Variants in UBAP2 observed in about 807,000 individuals in gnomAD.
UBAP2 encodes the protein ubiquitin-associated protein 2.
In UBAP2, 75 loss-of-function variants were observed where a neutral mutation model predicts 139.6. The observed-to-expected ratio is 0.54, with a 90% confidence interval of 0.45 to 0.65. The LOEUF is 0.65. Among genes scored for constraint, UBAP2 ranks in the 30% least tolerant of loss-of-function variants. The pLI is 0.00. For synonymous variants in UBAP2, 526 were observed against 526.2 expected (o/e 1.00, Z 0.01); for missense variants, 1,368 against 1,369.6 (o/e 1.00, Z 0.02).
chr9:33,952,635 A>T (rs181278295), intron 12 of UBAP2: 1 of 153,230 alleles, frequency 6.5e-6, no homozygotes, highest in East Asian at 1.9e-4. Flanking sequence ...AAGAAATTGA[A>T]TATACTAACT....
chr9:33,946,473 A>C (rs1825662058), intron 13 of UBAP2, among the ~76,000 whole-genome samples: 1 of 152,196 alleles, frequency 6.6e-6, no homozygotes, highest in Admixed American at 6.5e-5. Flanking sequence ...GGTTTTAATA[A>C]AGCGTTTTTT....
intron 16 of UBAP2, among the ~76,000 whole-genome samples, chr9:33,941,153 T>C (rs1386810186): frequency 2.6e-5 from 4 of 152,244 alleles, no homozygotes; most frequent in African/African-American, 9.6e-5. Flanking sequence ...CCATCAGATA[T>C]GCAGTTAGCA....
chr9:33,944,309 C>G (rs966610360), intron 14 of UBAP2, 56 bp downstream of exon 14: 2 of 1,590,950 alleles, frequency 1.3e-6, no homozygotes, highest in African/African-American at 1.3e-5. Context: ...CCCACTAGAG[C>G]TGAATGTAAA....
intron 1 of UBAP2, among the ~76,000 whole-genome samples, chr9:34,039,930 G>A (rs555592781): frequency 1.7e-4 from 26 of 151,452 alleles, no homozygotes; most frequent in Non-Finnish European, 1.9e-4. Context: ...AGGCCGAGGC[G>A]GGCGATCACC....
intron 16 of UBAP2, among the ~76,000 whole-genome samples, chr9:33,939,251 C>T (rs1035363993): frequency 2.1e-4 from 27 of 128,686 alleles, no homozygotes; most frequent in African/African-American, 7.5e-4. Context: ...TGGAGTGCAA[C>T]GGTGTGATCT....
intron 2 of UBAP2, among the ~76,000 whole-genome samples, chr9:34,011,310 C>G (rs956912663): frequency 6.6e-6 from 1 of 152,078 alleles, no homozygotes; most frequent in African/African-American, 2.4e-5. Context: ...TTTATTCAGA[C>G]TTAGCTTTTT....
At chr9:33,975,455 A>C (rs1369552750) in intron 6 of UBAP2, among the ~76,000 whole-genome samples, 7 of 150,308 alleles carry the variant, frequency 4.7e-5, no homozygotes, top group Admixed American at 6.6e-5. Context: ...CAAAAAAAAA[A>C]CCAAGTGTTG....
intron 1 of UBAP2, among the ~76,000 whole-genome samples, chr9:34,028,211 G>C (rs78714592): frequency 0.018 from 2,687 of 151,932 alleles, 43 homozygotes; most frequent in Non-Finnish European, 0.025. Context: ...GAGTGCTGGT[G>C]AACTCAAACA....
rs530500207 is a variant in UBAP2, at chr9:33,928,846, G to A, written c.2176-854C>T. The A allele has an allele frequency of 3.9e-5, 6 of 152,542 alleles. No individual in the cohort carries two copies. In the East Asian group the frequency reaches 1.2e-3, roughly 29 times the overall value. 9.4% of individuals were successfully genotyped at this position (152,542 alleles called of 1,614,324 possible). On this transcript the variant is annotated intron_variant, in intron 19 of 28. Coordinates refer to ENST00000379238, the MANE Select transcript of UBAP2 (RefSeq NM_001370062.2). ...GAAAGCAGCATATAAACTCGTAGAAGAAAAGCCAAAGAACGGGAAGGGCCC... is the reference window on the plus strand; with the variant it reads ...GAAAGCAGCATATAAACTCGTAGAAAAAAAGCCAAAGAACGGGAAGGGCCC...
chr9:33,954,113 G>C (rs754036385), intron 11 of UBAP2, among the ~76,000 whole-genome samples: 13 of 151,938 alleles, frequency 8.6e-5, no homozygotes, highest in Middle Eastern at 3.2e-3. Context: ...CACCATGTTG[G>C]ACAGGCTGGT....
chr9:34,034,320 G>C (rs1189130817), intron 1 of UBAP2, among the ~76,000 whole-genome samples: 2 of 152,054 alleles, frequency 1.3e-5, no homozygotes, highest in Non-Finnish European at 2.9e-5. Context: ...TCAAGTCCTG[G>C]TTTTTCTTTT....
At chr9:34,002,251 G>A (rs2131206889) in intron 2 of UBAP2, among the ~76,000 whole-genome samples, 1 of 152,066 alleles carries the variant, frequency 6.6e-6, no homozygotes, top group Middle Eastern at 3.4e-3. Context: ...ACCACACTTG[G>A]CTATTTTCCT....
chr9:34,043,748 C>T (rs749742790), intron 1 of UBAP2, among the ~76,000 whole-genome samples: 1 of 152,008 alleles, frequency 6.6e-6, no homozygotes, highest in South Asian at 2.1e-4. Context: ...TCCACCTCAG[C>T]CTCCCAAAGC....
intron 15 of UBAP2, among the ~76,000 whole-genome samples, chr9:33,943,083 CA>C (rs1468556591): frequency 3.9e-5 from 6 of 152,054 alleles, no homozygotes; most frequent in Admixed American, 1.3e-4. Context: ...ATTATCAACA[CA>C]ATGAAATATT....
At chr9:33,985,235 A>C (rs745555770) in intron 6 of UBAP2, among the ~76,000 whole-genome samples, 3 of 152,130 alleles carry the variant, frequency 2.0e-5, no homozygotes, top group Non-Finnish European at 4.4e-5. Context: ...AAACAAATTT[A>C]TGGGGTACAT....
intron 11 of UBAP2, 131 bp downstream of exon 11, chr9:33,955,948 T>C: frequency 1.6e-6 from 1 of 637,326 alleles, no homozygotes; most frequent in South Asian, 2.4e-5. Context: ...CAAGTAGTGG[T>C]AAAATAAAAG....
intron 1 of UBAP2, among the ~76,000 whole-genome samples, chr9:34,021,800 A>G (rs1017767307): frequency 6.6e-6 from 1 of 151,884 alleles, no homozygotes; most frequent in Non-Finnish European, 1.5e-5. Context: ...CGCCCGACTA[A>G]TTTTTGTATT....
intron 1 of UBAP2, among the ~76,000 whole-genome samples, chr9:34,032,526 T>C (rs1222635304): frequency 6.6e-6 from 1 of 152,140 alleles, no homozygotes; most frequent in Non-Finnish European, 1.5e-5. Context: ...GATATCAAAA[T>C]ATAGGCTAAC....
rs139576686 is a variant in UBAP2 at position 33,954,577 on chromosome 9, A to G, written c.867-1103T>C. 6.6e-5 allele frequency among the ~76,000 whole-genome samples: 10 copies of G among 152,200 alleles called. 1 individual carries two copies. In the East Asian group the frequency reaches 1.9e-3, roughly 29 times the overall value. On this transcript the variant is annotated intron_variant, in intron 11 of 28. Transcript: ENST00000379238. ...ATCAGTTCTCCTAACTGACATTCTC[A>G]CCATGCCAATAAGACAGGCAGATTA...
Sources: allele counts gnomAD v4.1 joint callset (sites outside exome capture counted in the v4.1 genomes callset), GRCh38; gene constraint gnomAD v4.1.1; transcripts MANE v1.5; gene names NCBI Gene and HGNC (gene_info 2026-07-23, HGNC 2026-07-21).